Variants in DYM observed in about 807,000 individuals in gnomAD.
DYM encodes dyggve-Melchior-Clausen syndrome protein.
In DYM, 78 loss-of-function variants were observed where a neutral mutation model predicts 93.1. The ratio of observed to expected loss-of-function variants is 0.84; its 90% CI spans 0.70 to 1.01. The LOEUF (loss-of-function observed/expected upper bound fraction) is 1.01. DYM is among the 50% of genes least tolerant of loss of function. The pLI, the probability that DYM is intolerant of heterozygous loss-of-function variation, is 0.00. For synonymous variants in DYM, 321 were observed against 319.7 expected (o/e 1.00, Z -0.04); for missense variants, 789 against 845.0 (o/e 0.93, Z 0.82).
At chr18:49,417,657 T>C (rs1166391998) in intron 2 of DYM, among the ~76,000 whole-genome samples, 2 of 152,232 alleles carry the variant, frequency 1.3e-5, no homozygotes, top group African/African-American at 4.8e-5. Context: ...ATATACATGC[T>C]ATTATTTATC....
At chr18:49,053,547 C>G (rs951544571) in intron 17 of DYM, among the ~76,000 whole-genome samples, 1 of 152,142 alleles carries the variant, frequency 6.6e-6, no homozygotes, top group Non-Finnish European at 1.5e-5. Context: ...AGACCAGTAA[C>G]TGTTGGCAGA....
intron 8 of DYM, among the ~76,000 whole-genome samples, chr18:49,318,454 C>T (rs969739494): frequency 6.6e-6 from 1 of 152,058 alleles, no homozygotes; most frequent in Non-Finnish European, 1.5e-5. Flanking sequence ...ACCATCTCTA[C>T]TAAAAAAAAT....
chr18:49,194,340 C>A (rs966202672), intron 14 of DYM, among the ~76,000 whole-genome samples: 2 of 152,062 alleles, frequency 1.3e-5, no homozygotes, highest in African/African-American at 4.8e-5. Context: ...ACCTACACAC[C>A]CACACCTACA....
At chr18:49,143,119 TA>T (rs1365880712) in intron 15 of DYM, among the ~76,000 whole-genome samples, 1 of 152,208 alleles carries the variant, frequency 6.6e-6, no homozygotes, top group Non-Finnish European at 1.5e-5. Flanking sequence ...CCAAGAACAT[TA>T]CACATATAAT....
intron 6 of DYM, among the ~76,000 whole-genome samples, chr18:49,359,446 T>C (rs1422848737): frequency 6.6e-6 from 1 of 152,202 alleles, no homozygotes; most frequent in East Asian, 1.9e-4. Context: ...TGAGAAACAG[T>C]AGCCACTAAC....
intron 10 of DYM, among the ~76,000 whole-genome samples, chr18:49,272,645 G>A (rs931953284): frequency 6.6e-6 from 1 of 152,140 alleles, no homozygotes; most frequent in Admixed American, 6.6e-5. Flanking sequence ...GTAGCGGGGA[G>A]AGCACAGCTG....
chr18:49,330,449 A>G (rs1488538665), intron 8 of DYM, among the ~76,000 whole-genome samples: 1 of 152,126 alleles, frequency 6.6e-6, no homozygotes, highest in Non-Finnish European at 1.5e-5. Context: ...CTAAAGTTAA[A>G]TTCATGTTTT....
Position 49,286,535 on chromosome 18 carries a change from T to C in DYM, c.845A>G (p.Asn282Ser), listed in dbSNP as rs773725778. The change falls in exon 9 of 18, where the codon AAC becomes AGC. Residue 282 changes from asparagine to serine, a missense_variant. Asn to Ser is a conservative substitution (Grantham distance 46). Coordinates refer to ENST00000675505, the MANE Select transcript of DYM (RefSeq NM_001353214.3). The stretch of plus-strand genomic sequence containing the variant: ...CACCAGCAGAAGCAGGAGACTCTGG[T>C]TGGCCAGAGGGGAAGAAAGCTCTGG... ...ASPELSSPLA[N>S]QSLLLLLVLA... 2.7e-5 allele frequency: 44 copies of C among 1,614,006 alleles called. No individual in the cohort carries two copies. The highest frequency in any genetic ancestry group is 3.4e-5 in the Non-Finnish European group (40 of 1,179,984).
chr18:49,390,547 G>A (rs1161391288), intron 3 of DYM, among the ~76,000 whole-genome samples: 5 of 151,250 alleles, frequency 3.3e-5, no homozygotes, highest in African/African-American at 4.9e-5. Flanking sequence ...TCGCTCTGTC[G>A]CCCAGGCTGG....
chr18:49,390,550 C>T (rs1348576655), intron 3 of DYM, among the ~76,000 whole-genome samples: 3 of 151,950 alleles, frequency 2.0e-5, no homozygotes, highest in African/African-American at 7.3e-5. Flanking sequence ...CTCTGTCGCC[C>T]AGGCTGGAGT....
intron 11 of DYM, among the ~76,000 whole-genome samples, chr18:49,262,730 T>C (rs1363579210): frequency 1.3e-5 from 2 of 152,226 alleles, no homozygotes; most frequent in Non-Finnish European, 2.9e-5. Flanking sequence ...CCATTCTTAC[T>C]GGCTGGTGTT....
chr18:49,184,241 T>A (rs976760229), intron 14 of DYM, among the ~76,000 whole-genome samples: 18 of 17,042 alleles, frequency 1.1e-3, no homozygotes, highest in African/African-American at 3.2e-3. Context: ...AAAACAAAAT[T>A]TTTTTTTTTT....
At chr18:49,242,175 GC>G (rs1160045257) in intron 13 of DYM, among the ~76,000 whole-genome samples, 6 of 152,304 alleles carry the variant, frequency 3.9e-5, no homozygotes, top group African/African-American at 1.4e-4. Flanking sequence ...ACTTTGGGAG[GC>G]CGAAGCAGGC....
Position 49,272,223 on chromosome 18 carries a change from C to A in DYM, c.1206G>T (p.Leu402Phe), listed in dbSNP as rs1353726936. The A allele has an allele frequency of 6.2e-7, 1 of 1,610,446 alleles. No homozygotes were observed. The highest frequency in any genetic ancestry group is 1.3e-5 in the African/African-American group (1 of 74,814). Residue 402 changes from leucine (L) to phenylalanine (F), a missense_variant, in exon 11 of 18, where the codon TTG becomes TTT. Leu to Phe is a conservative substitution (Grantham distance 22, BLOSUM62 0). Coordinates refer to ENST00000675505, the MANE Select transcript of DYM (RefSeq NM_001353214.3). The stretch of plus-strand genomic sequence containing the variant: ...TGAAGCCATCATCTTCCGTAAGGAT[C>A]AACAATATTATAAGGGCCATATACA... ...HHVYMALIIL[L>F]ILTEDDGFNR... is the part of the protein sequence containing the mutation.
chr18:49,417,595 C>T (rs1303473582), intron 2 of DYM, among the ~76,000 whole-genome samples: 3 of 151,750 alleles, frequency 2.0e-5, no homozygotes, highest in South Asian at 4.1e-4. Flanking sequence ...ATATAGAAGG[C>T]TCTTCAAGAT....
intron 1 of DYM, among the ~76,000 whole-genome samples, chr18:49,435,189 C>G (rs975739798): frequency 1.8e-5 from 2 of 111,178 alleles, no homozygotes; most frequent in Non-Finnish European, 3.4e-5. Context: ...GTCTGGGGAA[C>G]AGACCATGAC....
chr18:49,122,008 G>A (rs1163552504), intron 15 of DYM, among the ~76,000 whole-genome samples: 2 of 152,148 alleles, frequency 1.3e-5, no homozygotes, highest in Non-Finnish European at 2.9e-5. Flanking sequence ...TTCTAAAAGA[G>A]AGCTGACTTA....
intron 7 of DYM, 124 bp from the exon 8 acceptor site, chr18:49,332,130 T>A: frequency 9.8e-7 from 1 of 1,020,628 alleles, no homozygotes; most frequent in Non-Finnish European, 1.5e-6. Flanking sequence ...TTGGCACAAC[T>A]CACAGAAATT....
Position 49,430,178 on chromosome 18 carries a change from A to T in DYM, c.140+77T>A, listed in dbSNP as rs1032473617. 1.0e-5 allele frequency: 14 copies of T among 1,378,838 alleles called. No homozygotes were observed. The East Asian group carries it at 1.8e-4, about 18-fold the overall frequency. 85.4% of individuals were successfully genotyped at this position (1,378,838 alleles called of 1,614,324 possible). ...AGATAGATAGACAGAACATTTCTAA[A>T]TTTTTTTTTAATCAGCATACCACAC... On this transcript the variant is annotated intron_variant, in intron 2 of 17. Coordinates refer to ENST00000675505, the MANE Select transcript of DYM (RefSeq NM_001353214.3).
Sources: allele counts gnomAD v4.1 joint callset (sites outside exome capture counted in the v4.1 genomes callset), GRCh38; gene constraint gnomAD v4.1.1; transcripts MANE v1.5; gene names NCBI Gene and HGNC (gene_info 2026-07-23, HGNC 2026-07-21).